The following METTL5 variants were observed in gnomAD, a reference collection of about 807,000 sequenced individuals.
METTL5 encodes the protein methyltransferase 5, N6-adenosine.
Under a neutral mutation model 26.5 loss-of-function variants are expected in METTL5, and 28 were observed. The ratio of observed to expected loss-of-function variants is 1.06; its 90% CI spans 0.78 to 1.45. METTL5 has a LOEUF of 1.45. Ranked by LOEUF, METTL5 falls within the 40% of genes most tolerant of loss-of-function variation. The pLI is 0.00. For synonymous variants in METTL5, 86 were observed against 82.6 expected (o/e 1.04, Z -0.22); for missense variants, 231 against 249.9 (o/e 0.92, Z 0.51).
At chr2:169,811,958 A>C in intron 6 of METTL5, 100 bp from the exon 7 acceptor site, 3 of 1,330,462 alleles carry the variant, frequency 2.3e-6, no homozygotes, top group Non-Finnish European at 1.0e-6. Flanking sequence ...ATTTCAGATG[A>C]TTCAAATATC....
Position 169,812,482 on chromosome 2 carries a change from G to T in METTL5, c.566C>A (p.Ser189Ter). ...IAELRYDLPA[S>*]YKFHKKKSVD... ...TGATTTCTTTTTGTGAAACTTGTAT[G>T]ATGCTGGCAGGTCATATCGAAGTTC... Residue 189 changes from serine (S) to a stop codon, truncating the protein, a stop_gained, in exon 6 of 7, where the codon TCA becomes TAA. Coordinates refer to ENST00000260953, the MANE Select transcript of METTL5 (RefSeq NM_014168.4). LOFTEE classifies it high-confidence loss of function. 6.2e-7 allele frequency: 1 copy of T among 1,614,074 alleles called. No individual in the cohort carries two copies. The highest frequency in any genetic ancestry group is 8.5e-7 in the Non-Finnish European group (1 of 1,180,008).
At chr2:169,815,351 A>G in intron 5 of METTL5, 126 bp downstream of exon 5, 2 of 643,648 alleles carry the variant, frequency 3.1e-6, no homozygotes, top group Non-Finnish European at 5.6e-6. Flanking sequence ...TTTCCAATCT[A>G]TTACCAATCA....
At chr2:169,811,981 C>A (rs11690) in intron 6 of METTL5, 123 bp from the exon 7 acceptor site, 32,701 of 1,153,190 alleles carry the variant, frequency 0.028, 948 homozygotes, top group African/African-American at 0.14. Flanking sequence ...AAGGAAGATT[C>A]TTCCATTAAA....
At chr2:169,823,937 G>A (rs896194251) in intron 1 of METTL5, among the ~76,000 whole-genome samples, 5 of 152,180 alleles carry the variant, frequency 3.3e-5, no homozygotes, top group East Asian at 1.9e-4. Flanking sequence ...CTGGCATGAA[G>A]CAACAATGCT....
intron 6 of METTL5, chr2:169,812,217 A>ATAAT: frequency 1.6e-6 from 1 of 633,204 alleles, no homozygotes; most frequent in South Asian, 2.0e-5. Flanking sequence ...AACACTAGAA[A>ATAAT]TAATTACTTG....
At chr2:169,811,916 G>C in intron 6 of METTL5, 58 bp from the exon 7 acceptor site, 1 of 1,553,022 alleles carries the variant, frequency 6.4e-7, no homozygotes, top group Non-Finnish European at 8.8e-7. Flanking sequence ...ATGCAAATGA[G>C]ATTTCTTTGA....
intron 5 of METTL5, among the ~76,000 whole-genome samples, chr2:169,815,265 G>C (rs2081482451): frequency 6.6e-6 from 1 of 152,178 alleles, no homozygotes; most frequent in Admixed American, 6.6e-5. Context: ...AAATACCTGA[G>C]TGCTATTAGA....
At position 169,824,667 on chromosome 2, in the gene METTL5, T is replaced by G. The variant is rs536081791; in HGVS notation, c.-70A>C. The G allele has an allele frequency of 8.6e-5, 106 of 1,227,084 alleles. No individual in the cohort carries two copies. In the South Asian group the frequency reaches 1.2e-3, roughly 14 times the overall value. The allele number at this position is 1,227,084 out of a possible 1,614,324, so 76.0% of individuals were successfully genotyped here. A position where few individuals can be genotyped will look rare whatever the true frequency, so the allele number is the denominator to read the frequency against. ...TGCGGAGAAATCTATTGAACTGGGA[T>G]CTTGTTTCCTCCCTACCCCCAACCT... On this transcript the variant is annotated 5_prime_UTR_variant, in exon 1 of 7. Transcript: ENST00000260953.
intron 2 of METTL5, among the ~76,000 whole-genome samples, chr2:169,821,640 C>A (rs1212921559): frequency 6.6e-6 from 1 of 152,178 alleles, no homozygotes; most frequent in Non-Finnish European, 1.5e-5. Flanking sequence ...TCCACCTTGG[C>A]CTCCCAAAGT....
chr2:169,822,378 T>C (rs1398538905), intron 1 of METTL5, among the ~76,000 whole-genome samples: 2 of 152,234 alleles, frequency 1.3e-5, no homozygotes, highest in Admixed American at 6.5e-5. Flanking sequence ...GTTAAAAACA[T>C]TGCCATATAC....
chr2:169,822,083 AG>A, intron 1 of METTL5, 26 bp from the exon 2 acceptor site: 1 of 1,435,734 alleles, frequency 7.0e-7, no homozygotes, highest in Non-Finnish European at 9.3e-7. Flanking sequence ...AAAAAGAATA[AG>A]TAAGCAAGCC....
At chr2:169,815,950 C>T (rs1313731104) in intron 4 of METTL5, among the ~76,000 whole-genome samples, 2 of 152,156 alleles carry the variant, frequency 1.3e-5, no homozygotes, top group Admixed American at 1.3e-4. Flanking sequence ...GTTACAATTG[C>T]CTGTAGTATT....
At chr2:169,813,548 C>T (rs1204128040) in intron 5 of METTL5, among the ~76,000 whole-genome samples, 1 of 151,756 alleles carries the variant, frequency 6.6e-6, no homozygotes, top group East Asian at 1.9e-4. Context: ...TAAGGTGTTC[C>T]GTACTGCATA....
chr2:169,824,637 G>T lies in METTL5; in HGVS notation c.-40C>A. 6.9e-7 allele frequency: 1 copy of T among 1,444,210 alleles called. No homozygotes were observed. The highest frequency in any genetic ancestry group is 1.1e-5 in the South Asian group (1 of 87,770). 89.5% of individuals were successfully genotyped at this position (1,444,210 alleles called of 1,614,324 possible). ...TGGACTCGTAGGGTTTGAAGGCACA[G>T]GATCTGCGGAGAAATCTATTGAACT... On this transcript the variant is annotated 5_prime_UTR_variant, in exon 1 of 7. The change creates a new upstream start codon in the 5' untranslated region. Coordinates refer to ENST00000260953, the MANE Select transcript of METTL5 (RefSeq NM_014168.4).
intron 1 of METTL5, among the ~76,000 whole-genome samples, chr2:169,823,478 C>T (rs1248216814): frequency 6.6e-6 from 1 of 152,164 alleles, no homozygotes; most frequent in African/African-American, 2.4e-5. Flanking sequence ...TTAGAAACAA[C>T]TATTTTGGAA....
rs34915689 is a variant in METTL5 at position 169,813,127 on chromosome 2, C to CT, written c.542-622dup. The CT allele has an allele frequency of 3.8e-3, 506 of 132,252 alleles. 4 individuals carry two copies. Among genetic ancestry groups the CT allele is most frequent in the African/African-American group, 0.01 (355 of 35,418 alleles). The allele number at this position is 132,252 out of a possible 1,614,324, so 8.2% of individuals were successfully genotyped here. On this transcript the variant is annotated intron_variant, in intron 5 of 6. Transcript: ENST00000260953. ...GTAGGTCTGGGTGGAGTCTGAAATT[C>CT]TTTTTTTTTTTTTTTTTTAAGACGG...
intron 5 of METTL5, among the ~76,000 whole-genome samples, chr2:169,813,448 C>T (rs957098278): frequency 1.3e-5 from 2 of 151,006 alleles, no homozygotes; most frequent in Non-Finnish European, 3.0e-5. Context: ...TTATTTCTAA[C>T]AAGGAAATCT....
intron 2 of METTL5, among the ~76,000 whole-genome samples, chr2:169,821,740 T>A (rs2081587813): frequency 1.3e-5 from 2 of 152,202 alleles, no homozygotes; most frequent in Admixed American, 1.3e-4. Context: ...CAGGTTTGTA[T>A]AAAAGGAACT....
At chr2:169,812,544 TC>T (rs780141739) in intron 5 of METTL5, 38 bp from the exon 6 acceptor site, 1 of 1,605,872 alleles carries the variant, frequency 6.2e-7, no homozygotes, top group South Asian at 1.1e-5. Flanking sequence ...AAATTGTATT[TC>T]CAAGCGTTTA....
Sources: allele counts gnomAD v4.1 joint callset (sites outside exome capture counted in the v4.1 genomes callset), GRCh38; gene constraint gnomAD v4.1.1; transcripts MANE v1.5; gene names NCBI Gene and HGNC (gene_info 2026-07-23, HGNC 2026-07-21).